Variants in DPP10 observed in about 807,000 individuals in gnomAD.
DPP10 encodes dipeptidyl peptidase like 10, also known as inactive dipeptidyl peptidase 10.
DPP10 carries 33 observed loss-of-function variants against 120.9 expected under a neutral mutation model. The ratio of observed to expected loss-of-function variants is 0.27; its 90% CI spans 0.21 to 0.37. The LOEUF is 0.37. Among genes scored for constraint, DPP10 ranks in the 10% least tolerant of loss-of-function variants. DPP10 has a pLI of 1.00. For missense variants in DPP10, 816 were observed against 942.8 expected (o/e 0.87, Z 1.76); for synonymous variants, 337 against 326.1 (o/e 1.03, Z -0.36).
intron 19 of DPP10, among the ~76,000 whole-genome samples, chr2:115,804,448 A>G (rs369526406): frequency 2.0e-4 from 30 of 152,224 alleles, no homozygotes; most frequent in East Asian, 5.8e-4. Flanking sequence ...GTCATTCTCC[A>G]TGCAGCTTCG....
At chr2:114,861,512 T>A (rs937270406) in intron 1 of DPP10, among the ~76,000 whole-genome samples, 1 of 152,208 alleles carries the variant, frequency 6.6e-6, no homozygotes, top group Non-Finnish European at 1.5e-5. Flanking sequence ...ATTATTATAG[T>A]GGTATTTATT....
chr2:115,817,196 G>A (rs1299790439), intron 21 of DPP10, among the ~76,000 whole-genome samples: 2 of 151,746 alleles, frequency 1.3e-5, no homozygotes, highest in East Asian at 4.0e-4. Context: ...GAAGTGAGCC[G>A]AGATCGAGCC....
chr2:114,579,342 G>T (rs1473734753), intron 1 of DPP10, among the ~76,000 whole-genome samples: 1 of 152,026 alleles, frequency 6.6e-6, no homozygotes, highest in African/African-American at 2.4e-5. Context: ...CCACAGCCTT[G>T]GCTCTCCTCA....
chr2:115,613,646 A>T (rs2084276092), intron 5 of DPP10, among the ~76,000 whole-genome samples: 1 of 152,140 alleles, frequency 6.6e-6, no homozygotes, highest in Admixed American at 6.5e-5. Context: ...TCTGTTGCTG[A>T]CAGGTTGAAC....
At chr2:115,593,026 A>C (rs941006167) in intron 5 of DPP10, among the ~76,000 whole-genome samples, 10 of 152,208 alleles carry the variant, frequency 6.6e-5, no homozygotes, top group African/African-American at 2.4e-4. Flanking sequence ...GCTTTGGTAG[A>C]ATTTGTGTTA....
chr2:115,296,633 A>G (rs988028202), intron 1 of DPP10, among the ~76,000 whole-genome samples: 2 of 152,084 alleles, frequency 1.3e-5, no homozygotes, highest in Admixed American at 1.3e-4. Flanking sequence ...AAACATCATC[A>G]GGGATCTCTC....
At chr2:115,513,110 G>C (rs747734233) in intron 4 of DPP10, among the ~76,000 whole-genome samples, 7 of 151,612 alleles carry the variant, frequency 4.6e-5, no homozygotes, top group Non-Finnish European at 1.0e-4. Flanking sequence ...TGATAGAATG[G>C]CCCTTTTATT....
intron 1 of DPP10, among the ~76,000 whole-genome samples, chr2:114,766,536 C>T (rs1017699156): frequency 7.2e-5 from 11 of 152,058 alleles, no homozygotes; most frequent in Admixed American, 3.3e-4. Context: ...CAAATATCCT[C>T]CAGTGGGTGA....
chr2:115,438,605 A>G (rs1328282596), intron 3 of DPP10, among the ~76,000 whole-genome samples: 2 of 152,240 alleles, frequency 1.3e-5, no homozygotes, highest in African/African-American at 4.8e-5. Context: ...CCATAGATGA[A>G]TCCTAAAATC....
chr2:115,005,737 C>T (rs1701775079), intron 1 of DPP10, among the ~76,000 whole-genome samples: 1 of 152,060 alleles, frequency 6.6e-6, no homozygotes, highest in South Asian at 2.1e-4. Flanking sequence ...AAATCTGCGT[C>T]TGATTGGTGT....
intron 1 of DPP10, among the ~76,000 whole-genome samples, chr2:114,663,035 GT>G (rs1409146543): frequency 3.2e-4 from 48 of 151,964 alleles, no homozygotes; most frequent in Admixed American, 1.3e-4. Context: ...GTAAGGTACT[GT>G]TTTTCAAATA....
At chr2:115,500,955 A>T (rs1486211925) in intron 4 of DPP10, among the ~76,000 whole-genome samples, 2 of 152,034 alleles carry the variant, frequency 1.3e-5, no homozygotes, top group African/African-American at 4.8e-5. Context: ...CATTAGTAAG[A>T]AGATAGGATA....
At position 115,689,672 on chromosome 2, in the gene DPP10, CT is replaced by C; in HGVS notation, c.442-9del. On this transcript the variant is annotated splice_polypyrimidine_tract_variant and intron_variant, in intron 5 of 25. Transcript: ENST00000410059. ...GATAAAGCTATGATCAATAATGTTT[CT>C]TTTTTAATTTCAGATTTTTCATTAT... is the stretch of plus-strand genomic sequence containing the variant. 1.4e-6 allele frequency: 2 copies of C among 1,456,162 alleles called. No homozygotes were observed. The highest frequency in any genetic ancestry group is 1.9e-6 in the Non-Finnish European group (2 of 1,063,400). The allele number at this position is 1,456,162 out of a possible 1,614,324, so 90.2% of individuals were successfully genotyped here. A position where few individuals can be genotyped will look rare whatever the true frequency, so the allele number is the denominator to read the frequency against.
At chr2:114,796,400 GTC>G (rs1446689532) in intron 1 of DPP10, among the ~76,000 whole-genome samples, 1 of 152,004 alleles carries the variant, frequency 6.6e-6, no homozygotes, top group Non-Finnish European at 1.5e-5. Context: ...TGTACTGTAA[GTC>G]TATTTTTTCT....
chr2:114,735,191 T>C (rs1292783416), intron 1 of DPP10, among the ~76,000 whole-genome samples: 1 of 152,126 alleles, frequency 6.6e-6, no homozygotes, highest in East Asian at 1.9e-4. Context: ...TCAAAGCACA[T>C]AATTGTATTT....
At chr2:115,162,254 C>T (rs1435724935) in intron 1 of DPP10, 1 of 1,559,760 alleles carries the variant, frequency 6.4e-7, no homozygotes, top group Non-Finnish European at 8.7e-7. Context: ...TGGAGAGCCG[C>T]GGGGAAGGGG....
intron 1 of DPP10, among the ~76,000 whole-genome samples, chr2:115,122,955 T>C (rs2049899202): frequency 6.6e-6 from 1 of 152,130 alleles, no homozygotes; most frequent in Non-Finnish European, 1.5e-5. Context: ...CATTGGTTAG[T>C]AAGCAGGAGA....
intron 10 of DPP10, among the ~76,000 whole-genome samples, chr2:115,752,100 A>C (rs78784158): frequency 0.011 from 1,741 of 152,150 alleles, 32 homozygotes; most frequent in African/African-American, 0.037. Context: ...ACCTGGCCAA[A>C]ACTAGTTTAA....
At chr2:114,899,902 G>A (rs1272961751) in intron 1 of DPP10, among the ~76,000 whole-genome samples, 1 of 152,244 alleles carries the variant, frequency 6.6e-6, no homozygotes, top group Non-Finnish European at 1.5e-5. Context: ...GGAGCTGGCA[G>A]TGAGCCAAGA....
Sources: gnomAD v4.1 joint callset for allele counts (sites outside exome capture counted in the v4.1 genomes callset) on GRCh38, gnomAD v4.1.1 for gene constraint, MANE v1.5 for transcripts, NCBI Gene and HGNC (gene_info 2026-07-23, HGNC 2026-07-21) for gene names.